The following SOCS5 variants were observed in gnomAD, a reference collection of about 807,000 sequenced individuals.
The protein encoded by SOCS5 is suppressor of cytokine signaling 5.
In SOCS5, 32 loss-of-function variants were observed where a neutral mutation model predicts 42.8. The ratio of observed to expected loss-of-function variants is 0.75; its 90% confidence interval spans 0.56 to 1.01. The LOEUF (loss-of-function observed/expected upper bound fraction) is 1.01, where lower values mean the gene tolerates loss of function less well. SOCS5 is among the 50% of genes least tolerant of loss of function. SOCS5 has a pLI of 0.00. For missense variants in SOCS5, 627 were observed against 653.0 expected, an observed-to-expected ratio of 0.96 and a Z score of 0.43; for synonymous variants, 283 against 229.6, an observed-to-expected ratio of 1.23 and a Z score of -2.10.
intron 1 of SOCS5, among the ~76,000 whole-genome samples, chr2:46,739,989 CG>C (rs1387666673): frequency 6.6e-6 from 1 of 152,130 alleles, no homozygotes; most frequent in Non-Finnish European, 1.5e-5. Flanking sequence ...CGTATTCAAA[CG>C]GAAGCCTTTA....
At chr2:46,701,095 C>T (rs1411785867) in intron 1 of SOCS5, among the ~76,000 whole-genome samples, 1 of 152,124 alleles carries the variant, frequency 6.6e-6, no homozygotes, top group Non-Finnish European at 1.5e-5. Context: ...TTTTACTATT[C>T]GTCCTCAGGG....
chr2:46,746,392 C>T (rs1000130717), intron 1 of SOCS5, among the ~76,000 whole-genome samples: 2 of 152,118 alleles, frequency 1.3e-5, no homozygotes, highest in African/African-American at 4.8e-5. Flanking sequence ...TGGCTCACGC[C>T]TGTAATCCCA....
At chr2:46,716,136 G>C (rs1672737683) in intron 1 of SOCS5, among the ~76,000 whole-genome samples, 1 of 138,440 alleles carries the variant, frequency 7.2e-6, no homozygotes, top group Non-Finnish European at 1.5e-5. Flanking sequence ...AGTTCTAGAA[G>C]TTCTCTTACA....
At position 46,758,654 on chromosome 2, in the gene SOCS5, G is replaced by C; in HGVS notation, c.124G>C (p.Glu42Gln). The change falls in exon 2 of 2, where the codon GAG becomes CAG. Residue 42 changes from glutamate (E) to glutamine (Q), a missense_variant. Physicochemically the swap from Glu to Gln is conservative, Grantham distance 29 (BLOSUM62 2). Around this residue, in one of 3 missense-constraint regions of SOCS5, gnomAD observed 278 missense variants for 246.3 expected, o/e 1.13. Transcript: ENST00000394861. ...MNSNRCLSVK[E>Q]KNISIGDSTP... ...CTCCAACAGATGTTTGTCTGTCAAAGAGAAAAACATCAGCATAGGAGACTC... is the reference window on the plus strand; with the variant it reads ...CTCCAACAGATGTTTGTCTGTCAAACAGAAAAACATCAGCATAGGAGACTC... 1 of 1,614,114 alleles carries C rather than the reference G, an allele frequency of 6.2e-7. No homozygotes were observed. Among genetic ancestry groups the C allele is most frequent in the South Asian group, 1.1e-5 (1 of 91,084 alleles).
chr2:46,712,377 T>A (rs1459798810), intron 1 of SOCS5, among the ~76,000 whole-genome samples: 1 of 131,264 alleles, frequency 7.6e-6, no homozygotes, highest in Non-Finnish European at 1.6e-5. Flanking sequence ...ACAGTCTCGC[T>A]CTGTTGCCCA....
chr2:46,734,821 T>C (rs571336630), intron 1 of SOCS5, among the ~76,000 whole-genome samples: 1 of 152,346 alleles, frequency 6.6e-6, no homozygotes, highest in South Asian at 2.1e-4. Flanking sequence ...TAAAAGCACC[T>C]TTTAAACATG....
chr2:46,703,414 T>G (rs945986374), intron 1 of SOCS5, among the ~76,000 whole-genome samples: 2 of 152,144 alleles, frequency 1.3e-5, no homozygotes, highest in Non-Finnish European at 2.9e-5. Context: ...TTTCTAATAT[T>G]CTTTTGGTTA....
intron 1 of SOCS5, among the ~76,000 whole-genome samples, chr2:46,729,833 T>A (rs1673075884): frequency 6.6e-6 from 1 of 152,242 alleles, no homozygotes; most frequent in Non-Finnish European, 1.5e-5. Flanking sequence ...TTTTTTACTT[T>A]GTAGACTTTT....
At chr2:46,707,552 G>A (rs1309386702) in intron 1 of SOCS5, among the ~76,000 whole-genome samples, 8 of 152,170 alleles carry the variant, frequency 5.3e-5, no homozygotes, top group Admixed American at 3.3e-4. Flanking sequence ...AAGAAAATTA[G>A]GAAATCAGAC....
intron 1 of SOCS5, among the ~76,000 whole-genome samples, chr2:46,730,162 A>G (rs1673084087): frequency 6.6e-6 from 1 of 152,148 alleles, no homozygotes; most frequent in Admixed American, 6.5e-5. Flanking sequence ...ATGTAAAGAA[A>G]TCAATCTTAG....
chr2:46,756,361 T>C (rs939795556), intron 1 of SOCS5, among the ~76,000 whole-genome samples: 2 of 152,160 alleles, frequency 1.3e-5, no homozygotes, highest in East Asian at 3.9e-4. Context: ...AGGGGCTAGA[T>C]AGAAAATATT....
At chr2:46,709,771 A>G (rs1049875230) in intron 1 of SOCS5, among the ~76,000 whole-genome samples, 9 of 152,268 alleles carry the variant, frequency 5.9e-5, no homozygotes, top group African/African-American at 2.2e-4. Flanking sequence ...AGAGGATACT[A>G]TAACATAATT....
intron 1 of SOCS5, among the ~76,000 whole-genome samples, chr2:46,719,112 G>C (rs1210504782): frequency 6.6e-6 from 1 of 152,088 alleles, no homozygotes; most frequent in Non-Finnish European, 1.5e-5. Flanking sequence ...TTTTTATTTA[G>C]TGTACTGTTC....
chr2:46,724,958 G>A (rs1256333314), intron 1 of SOCS5, among the ~76,000 whole-genome samples: 1 of 150,444 alleles, frequency 6.6e-6, no homozygotes, highest in Non-Finnish European at 1.5e-5. Context: ...TTGAGAGGAG[G>A]GTGTTGAAAT....
Position 46,760,353 on chromosome 2 carries a change from A to T in SOCS5, c.*212A>T. On this transcript the variant is annotated 3_prime_UTR_variant, in exon 2 of 2. Transcript: ENST00000394861. The stretch of plus-strand genomic sequence containing the variant: ...GATAGAGCTACAGGTGTTCAGTAAG[A>T]CTACAAAAACATTTTGCCTATTTCG... The T allele has an allele frequency of 2.1e-6, 1 of 482,370 alleles. No individual in the cohort carries two copies. The highest frequency in any genetic ancestry group is 3.8e-5 in the Admixed American group (1 of 26,448). The allele number at this position is 482,370 out of a possible 1,614,324, so 29.9% of individuals were successfully genotyped here. A position where few individuals can be genotyped will look rare whatever the true frequency, so the allele number is the denominator to read the frequency against.
chr2:46,723,206 G>T (rs1231492328), intron 1 of SOCS5, among the ~76,000 whole-genome samples: 1 of 151,940 alleles, frequency 6.6e-6, no homozygotes, highest in Non-Finnish European at 1.5e-5. Flanking sequence ...GGTACTTTCG[G>T]TGTCATGTCT....
chr2:46,740,477 C>CAAAAAAAAAACTCACAA (rs1274981519), intron 1 of SOCS5, among the ~76,000 whole-genome samples: 1 of 151,990 alleles, frequency 6.6e-6, no homozygotes. Context: ...ATAAAACTCA[C>CAAAAAAAAAACTCACAA]AAAAAGAAAT....
Position 46,749,670 on chromosome 2 carries a change from T to C in SOCS5, c.-12-8849T>C, listed in dbSNP as rs190633709. Among the ~76,000 whole-genome samples, 474 of 152,252 alleles carry C rather than the reference T, an allele frequency of 3.1e-3. 1 individual carries two copies. Among genetic ancestry groups the C allele is most frequent in the Non-Finnish European group, 2.8e-3 (191 of 68,014 alleles). ...AGACTAAAAAAGAATCAGAAGCCCC[T>C]CCAAATGAATAAGGACTGTGTTCCC... On this transcript the variant is annotated intron_variant, in intron 1 of 1. Transcript: ENST00000394861.
chr2:46,760,201 C>G lies in SOCS5; in HGVS notation c.*60C>G. The stretch of plus-strand genomic sequence containing the variant: ...GCTTTCATGTGCATCAGACAGTACA[C>G]CTATAGCAAGCACACGTAGCAGTGT... On this transcript the variant is annotated 3_prime_UTR_variant, in exon 2 of 2. Coordinates refer to ENST00000394861, the MANE Select transcript of SOCS5 (RefSeq NM_144949.3). 1 of 1,257,768 alleles carries G rather than the reference C, an allele frequency of 8.0e-7. No individual in the cohort carries two copies. Among genetic ancestry groups the G allele is most frequent in the Non-Finnish European group, 1.1e-6 (1 of 886,582 alleles). The allele number at this position is 1,257,768 out of a possible 1,614,324, so 77.9% of individuals were successfully genotyped here. A position where few individuals can be genotyped will look rare whatever the true frequency, so the allele number is the denominator to read the frequency against.
Sources: gnomAD v4.1 joint callset for allele counts (sites outside exome capture counted in the v4.1 genomes callset) on GRCh38, gnomAD v4.1.1 for gene constraint, gnomAD v4.1.1 regional missense constraint, MANE v1.5 for transcripts, NCBI Gene and HGNC (gene_info 2026-07-23, HGNC 2026-07-21) for gene names.